Variants in CX3CR1 observed in about 807,000 individuals in gnomAD.
CX3CR1 encodes the protein CX3C chemokine receptor 1.
For missense variants in CX3CR1, 363 were observed against 432.4 expected, an observed-to-expected ratio of 0.84 and a Z score of 1.42; for synonymous variants, 168 against 178.5, an observed-to-expected ratio of 0.94 and a Z score of 0.47.
chr3:39,274,149 G>C (rs1054283898), intron 1 of CX3CR1, among the ~76,000 whole-genome samples: 2 of 152,116 alleles, frequency 1.3e-5, no homozygotes, highest in South Asian at 4.1e-4. Flanking sequence ...TAGATAGAAA[G>C]GTTCTCAGTC....
chr3:39,271,702 G>A lies in CX3CR1; in HGVS notation c.-9-5184C>T, dbSNP rs914952494. The stretch of plus-strand genomic sequence containing the variant: ...CTGTGTGCTGGAGCTAGTTCAAACC[G>A]CCCTTGGTAGCCAAATGCCCCAGAG... On this transcript the variant is annotated intron_variant, in intron 1 of 1. Coordinates refer to ENST00000399220, the MANE Select transcript of CX3CR1 (RefSeq NM_001337.4). 8.5e-5 allele frequency among the ~76,000 whole-genome samples: 13 copies of A among 152,282 alleles called. No homozygotes were observed. In the South Asian group the frequency reaches 1.0e-3, roughly 12 times the overall value.
chr3:39,278,901 G>T (rs2040868388), intron 1 of CX3CR1, among the ~76,000 whole-genome samples: 1 of 152,038 alleles, frequency 6.6e-6, no homozygotes, highest in African/African-American at 2.4e-5. Flanking sequence ...ACACAAACCT[G>T]AGCCTGAGTA....
chr3:39,271,433 C>T (rs1014013212), intron 1 of CX3CR1, among the ~76,000 whole-genome samples: 1 of 152,190 alleles, frequency 6.6e-6, no homozygotes, highest in Non-Finnish European at 1.5e-5. Flanking sequence ...GATTCGTCAG[C>T]TCTATAATAT....
At chr3:39,289,023 G>A in the CX3CR1 span, among the ~76,000 whole-genome samples, 6 of 151,974 alleles carry the variant, frequency 3.9e-5, no homozygotes, top group South Asian at 2.1e-4. Context: ...GCATGGTGGC[G>A]TGCATCTGTA....
At chr3:39,266,641 T>G (rs1286809317) in intron 1 of CX3CR1, 123 bp from the exon 2 acceptor site, 2 of 905,578 alleles carry the variant, frequency 2.2e-6, no homozygotes, top group Non-Finnish European at 1.9e-6. Flanking sequence ...ACACTACATT[T>G]CCCAACTTCC....
At chr3:39,279,836 A>G (rs954646070) in intron 1 of CX3CR1, 118 bp downstream of exon 1, 4 of 313,614 alleles carry the variant, frequency 1.3e-5, no homozygotes, top group Non-Finnish European at 1.4e-5. Flanking sequence ...TTTAGGCTAC[A>G]ACATCCCCAG....
Position 39,265,467 on chromosome 3 carries a change from T to A in CX3CR1, c.1043A>T (p.Asp348Val). Residue 348 changes from aspartate to valine, a missense_variant, in exon 2 of 2, where the codon GAT (aspartate) becomes GTT (valine). Asp to Val is a radical substitution (Grantham distance 152). Transcript: ENST00000399220. ...LSSNFTYHTSDGDALLLL is the reference protein window; with the variant it reads ...LSSNFTYHTSVGDALLLL ...TCAGAGAAGGAGCAATGCATCTCCATCACTCGTGTGGTAAGTAAAATTGCT... is the reference window on the plus strand; with the variant it reads ...TCAGAGAAGGAGCAATGCATCTCCAACACTCGTGTGGTAAGTAAAATTGCT... The A allele has an allele frequency of 1.2e-6, 2 of 1,612,334 alleles. No homozygotes were observed. The highest frequency in any genetic ancestry group is 1.7e-6 in the Non-Finnish European group (2 of 1,178,664).
rs760009245 is a variant in CX3CR1, at chr3:39,265,979, A to C, written c.531T>G (p.Gly177=). Residue 177 remains glycine, a synonymous_variant, in exon 2 of 2, where the codon GGT becomes GGG. Coordinates refer to ENST00000399220, the MANE Select transcript of CX3CR1 (RefSeq NM_001337.4). The part of the protein sequence containing the change: ...FTKQKENECL[G]DYPEVLQEIW... Reference sequence around the variant, plus strand: ...TTTCCTGGAGGACCTCGGGGTAGTCACCAAGGCATTCATTTTCTTTCTGCT... The same window carrying C: ...TTTCCTGGAGGACCTCGGGGTAGTCCCCAAGGCATTCATTTTCTTTCTGCT... 1.2e-6 allele frequency: 2 copies of C among 1,614,214 alleles called. No individual in the cohort carries two copies. The highest frequency in any genetic ancestry group is 1.7e-6 in the Non-Finnish European group (2 of 1,180,044).
upstream of CX3CR1, among the ~76,000 whole-genome samples, chr3:39,284,970 A>G (rs1251129708): frequency 1.3e-5 from 2 of 152,198 alleles, no homozygotes; most frequent in African/African-American, 4.8e-5. Context: ...GTCGAAAGCA[A>G]TATGCTGGGA....
chr3:39,286,112 A>G (rs2040940720), upstream of CX3CR1: 1 of 152,248 alleles, frequency 6.6e-6, no homozygotes. Flanking sequence ...TACATGTGGC[A>G]TTGTATGACT....
At position 39,265,286 on chromosome 3, in the gene CX3CR1, G is replaced by A. The variant is rs534014889; in HGVS notation, c.*156C>T. The A allele has an allele frequency of 1.2e-4, 77 of 666,146 alleles. 2 individuals are homozygous for A. The South Asian group carries it at 1.4e-3, about 12-fold the overall frequency. The allele number at this position is 666,146 out of a possible 1,614,324, so 41.3% of individuals were successfully genotyped here. A position where few individuals can be genotyped will look rare whatever the true frequency, so the allele number is the denominator to read the frequency against. On this transcript the variant is annotated 3_prime_UTR_variant, in exon 2 of 2. Transcript: ENST00000399220. ...TCAATTTGTTCATTCTTCAAATTTT[G>A]AGCACAATTCTCAACAACACTCTAG...
At chr3:39,281,754 C>T (rs202113290), upstream of CX3CR1, 21 of 1,285,972 alleles carry the variant, frequency 1.6e-5, no homozygotes, top group Middle Eastern at 3.7e-4. Flanking sequence ...TCCTACTGTG[C>T]TCTCACCACT....
At chr3:39,283,562 A>G (rs542833443), upstream of CX3CR1, among the ~76,000 whole-genome samples, 18 of 151,802 alleles carry the variant, frequency 1.2e-4, 1 homozygote, top group South Asian at 3.7e-3. Context: ...TGGGTGGATC[A>G]CGAGATCAGG....
chr3:39,281,295 C>T (rs1468200143), upstream of CX3CR1: 1 of 1,092,576 alleles, frequency 9.2e-7, no homozygotes, highest in Non-Finnish European at 1.1e-6. Context: ...GCTCCCCATC[C>T]ACTTTCTGAC....
chr3:39,285,612 G>A (rs1575213803), upstream of CX3CR1, among the ~76,000 whole-genome samples: 1 of 152,118 alleles, frequency 6.6e-6, no homozygotes, highest in African/African-American at 2.4e-5. Context: ...TATTTTTTAG[G>A]CATCATTCAA....
At chr3:39,280,563 G>C (rs1418088624), upstream of CX3CR1, 1 of 753,952 alleles carries the variant, frequency 1.3e-6, no homozygotes, top group African/African-American at 1.9e-5. Context: ...AGTTTGAGAA[G>C]CTTTGGTACT....
chr3:39,286,131 G>A (rs1373400882), upstream of CX3CR1: 3 of 152,220 alleles, frequency 2.0e-5, no homozygotes, highest in Non-Finnish European at 4.4e-5. Flanking sequence ...CTACAGAAGT[G>A]ACAGGTAGAT....
chr3:39,282,994 C>T (rs962158669), upstream of CX3CR1, among the ~76,000 whole-genome samples: 1 of 152,124 alleles, frequency 6.6e-6, no homozygotes, highest in Non-Finnish European at 1.5e-5. Flanking sequence ...TGGGCTCGAA[C>T]GATCCTCTCA....
upstream of CX3CR1, among the ~76,000 whole-genome samples, chr3:39,284,771 TGA>T: frequency 6.6e-6 from 1 of 152,170 alleles, no homozygotes; most frequent in East Asian, 1.9e-4. Flanking sequence ...GCCACACAGC[TGA>T]AAAAGGGTCA....
Sources: gnomAD v4.1 joint callset for allele counts (sites outside exome capture counted in the v4.1 genomes callset) on GRCh38, gnomAD v4.1.1 for gene constraint, MANE v1.5 for transcripts, NCBI Gene and HGNC (gene_info 2026-07-23, HGNC 2026-07-21) for gene names.